GPC5: variants seen among roughly 807,000 people sequenced by gnomAD.
GPC5 encodes glypican-5.
GPC5 carries 47 observed loss-of-function variants against 53.9 expected under a neutral mutation model. The observed-to-expected ratio is 0.87, with a 90% CI of 0.69 to 1.11. The LOEUF is 1.11. Among genes scored for constraint, GPC5 ranks in the 50% most tolerant of loss-of-function variants. The pLI, the probability that GPC5 is intolerant of heterozygous loss-of-function variation, is 0.00. For synonymous variants in GPC5, 286 were observed against 263.3 expected (o/e 1.09, Z -0.84); for missense variants, 748 against 713.1 (o/e 1.05, Z -0.56).
At chr13:92,287,918 T>C (rs1274299479) in intron 7 of GPC5, among the ~76,000 whole-genome samples, 1 of 152,160 alleles carries the variant, frequency 6.6e-6, no homozygotes. Context: ...TGGTGTCCCA[T>C]ACATCTCGTG....
intron 3 of GPC5, among the ~76,000 whole-genome samples, chr13:91,727,945 A>G (rs554945502): frequency 6.6e-6 from 1 of 152,296 alleles, no homozygotes; most frequent in East Asian, 1.9e-4. Flanking sequence ...ACATTTTTCA[A>G]TGGGGATAAA....
chr13:92,752,864 T>C (rs1256611551), intron 7 of GPC5, among the ~76,000 whole-genome samples: 1 of 152,140 alleles, frequency 6.6e-6, no homozygotes, highest in Non-Finnish European at 1.5e-5. Flanking sequence ...CGCTGATTGC[T>C]AGCACAGCAG....
chr13:91,550,470 A>G (rs1212895375), intron 2 of GPC5, among the ~76,000 whole-genome samples: 2 of 152,148 alleles, frequency 1.3e-5, no homozygotes, highest in Non-Finnish European at 2.9e-5. Context: ...CAGGGAGTGC[A>G]TATGAGAATT....
intron 7 of GPC5, among the ~76,000 whole-genome samples, chr13:92,312,353 A>G (rs1433391771): frequency 6.6e-6 from 1 of 152,162 alleles, no homozygotes; most frequent in African/African-American, 2.4e-5. Context: ...ACAAGTTATA[A>G]GAGAGTGTAT....
chr13:91,513,277 A>C (rs1885328786), intron 2 of GPC5, among the ~76,000 whole-genome samples: 1 of 152,188 alleles, frequency 6.6e-6, no homozygotes, highest in Non-Finnish European at 1.5e-5. Flanking sequence ...GATTGTAATA[A>C]ATATCACAAC....
intron 2 of GPC5, among the ~76,000 whole-genome samples, chr13:91,520,830 T>G (rs1885772094): frequency 6.6e-6 from 1 of 152,082 alleles, no homozygotes; most frequent in Non-Finnish European, 1.5e-5. Flanking sequence ...TGTCAACACT[T>G]GCTAAACTAG....
chr13:92,435,454 A>G (rs1236514369), intron 7 of GPC5, among the ~76,000 whole-genome samples: 3 of 152,216 alleles, frequency 2.0e-5, no homozygotes, highest in Non-Finnish European at 4.4e-5. Flanking sequence ...AAAAAGAAAC[A>G]GAAACTTTTG....
intron 2 of GPC5, among the ~76,000 whole-genome samples, chr13:91,671,703 C>T (rs528007): frequency 7.2e-6 from 1 of 139,578 alleles, no homozygotes; most frequent in South Asian, 2.3e-4. Flanking sequence ...CATTAACATT[C>T]TTCACAGAAT....
chr13:92,019,377 C>T (rs973137901), intron 6 of GPC5, among the ~76,000 whole-genome samples: 1 of 151,920 alleles, frequency 6.6e-6, no homozygotes, highest in Admixed American at 6.6e-5. Context: ...GTGATTGTAA[C>T]AGATTATTGA....
At chr13:92,479,869 T>G (rs1879285438) in intron 7 of GPC5, among the ~76,000 whole-genome samples, 1 of 152,194 alleles carries the variant, frequency 6.6e-6, no homozygotes, top group Admixed American at 6.5e-5. Flanking sequence ...CTTATGTGTG[T>G]GTATGATAAC....
At chr13:92,544,562 C>T (rs890396465) in intron 7 of GPC5, among the ~76,000 whole-genome samples, 2 of 151,912 alleles carry the variant, frequency 1.3e-5, no homozygotes, top group African/African-American at 2.4e-5. Context: ...GTCTTATAAC[C>T]CTAGTGGCTT....
At chr13:91,894,331 G>A (rs1004734620) in intron 5 of GPC5, among the ~76,000 whole-genome samples, 1 of 152,244 alleles carries the variant, frequency 6.6e-6, no homozygotes, top group East Asian at 1.9e-4. Flanking sequence ...TTGCAGTAAA[G>A]TCAGTAGATT....
At chr13:91,662,585 G>A (rs533886764) in intron 2 of GPC5, among the ~76,000 whole-genome samples, 1 of 152,046 alleles carries the variant, frequency 6.6e-6, no homozygotes, top group Non-Finnish European at 1.5e-5. Flanking sequence ...TAACTGGTGC[G>A]AACATTTAGA....
intron 2 of GPC5, among the ~76,000 whole-genome samples, chr13:91,611,022 G>A (rs189664664): frequency 3.9e-4 from 59 of 152,206 alleles, no homozygotes; most frequent in Non-Finnish European, 2.2e-4. Flanking sequence ...CAGCATGTCT[G>A]TTAGAAATTG....
rs142860560 is a variant in GPC5 at position 92,591,950 on chromosome 13, C to T, written c.1562-274332C>T. ...TCACCCAAGCCATTGACCTGAGAGTCCACCCTTAACTCCAGCTGAGGGTCA... is the reference window on the plus strand; with the variant it reads ...TCACCCAAGCCATTGACCTGAGAGTTCACCCTTAACTCCAGCTGAGGGTCA... On this transcript the variant is annotated intron_variant, in intron 7 of 7. Coordinates refer to ENST00000377067, the MANE Select transcript of GPC5 (RefSeq NM_004466.6). 5.8e-3 allele frequency among the ~76,000 whole-genome samples: 884 copies of T among 152,290 alleles called. 5 individuals are homozygous for T. The highest frequency in any genetic ancestry group is 8.9e-3 in the South Asian group (43 of 4,832).
intron 5 of GPC5, among the ~76,000 whole-genome samples, chr13:91,830,972 T>TTATATATCCTATTATATATATAATA (rs1566291562): frequency 1.0e-4 from 14 of 136,526 alleles, no homozygotes; most frequent in Non-Finnish European, 2.0e-4. Flanking sequence ...CTATTATATA[T>TTATATATCCTATTATATATATAATA]TATATATCCT....
intron 5 of GPC5, among the ~76,000 whole-genome samples, chr13:91,901,120 A>C (rs1490232276): frequency 6.6e-6 from 1 of 152,052 alleles, no homozygotes; most frequent in Non-Finnish European, 1.5e-5. Flanking sequence ...CATATCATAA[A>C]ATATTATATT....
intron 1 of GPC5, among the ~76,000 whole-genome samples, chr13:91,404,308 T>A (rs1444867909): frequency 6.6e-6 from 1 of 152,232 alleles, no homozygotes; most frequent in East Asian, 1.9e-4. Flanking sequence ...TCTCTTGGTA[T>A]AACTGTTCAA....
At chr13:91,624,708 A>C (rs1238176091) in intron 2 of GPC5, among the ~76,000 whole-genome samples, 1 of 152,068 alleles carries the variant, frequency 6.6e-6, no homozygotes, top group Non-Finnish European at 1.5e-5. Context: ...TAAAGTTAGT[A>C]ATAAATGAGG....
Sources: allele counts gnomAD v4.1 joint callset (sites outside exome capture counted in the v4.1 genomes callset), GRCh38; gene constraint gnomAD v4.1.1; transcripts MANE v1.5; gene names NCBI Gene and HGNC (gene_info 2026-07-23, HGNC 2026-07-21).